The following DLG2 variants were observed in gnomAD, a reference collection of about 807,000 sequenced individuals.
The protein encoded by DLG2 is discs large MAGUK scaffold protein 2.
In DLG2, 45 loss-of-function variants were observed where a neutral mutation model predicts 132.5. The ratio of observed to expected loss-of-function variants is 0.34; its 90% CI spans 0.27 to 0.44. DLG2 has a LOEUF of 0.44. Ranked by LOEUF, DLG2 falls within the 20% of genes least tolerant of loss-of-function variation. DLG2 has a pLI of 1.00. For missense variants in DLG2, 1,045 were observed against 1,196.9 expected, an observed-to-expected ratio of 0.87 and a Z score of 1.87; for synonymous variants, 424 against 419.6, an observed-to-expected ratio of 1.01 and a Z score of -0.13.
chr11:83,572,034 T>C (rs143642525), intron 19 of DLG2, among the ~76,000 whole-genome samples: 4 of 152,192 alleles, frequency 2.6e-5, no homozygotes, highest in Non-Finnish European at 4.4e-5. Flanking sequence ...ACAAAGCATA[T>C]ATACTAAAAG....
chr11:85,425,355 A>G (rs890207443), intron 3 of DLG2, among the ~76,000 whole-genome samples: 2 of 152,216 alleles, frequency 1.3e-5, no homozygotes, highest in African/African-American at 4.8e-5. Context: ...ACAGCAGAAT[A>G]AAACAATATT....
At chr11:85,130,007 G>C (rs1272911164) in intron 5 of DLG2, among the ~76,000 whole-genome samples, 1 of 152,096 alleles carries the variant, frequency 6.6e-6, no homozygotes, top group Non-Finnish European at 1.5e-5. Context: ...GTTGAACAAT[G>C]AGAACATATG....
intron 7 of DLG2, among the ~76,000 whole-genome samples, chr11:84,504,192 C>T (rs554985370): frequency 5.4e-4 from 82 of 152,268 alleles, no homozygotes; most frequent in African/African-American, 1.9e-3. Context: ...GAGATGTACA[C>T]CAAAGCCCAA....
intron 8 of DLG2, among the ~76,000 whole-genome samples, chr11:84,213,309 G>T (rs1451452719): frequency 1.3e-5 from 2 of 152,062 alleles, no homozygotes; most frequent in African/African-American, 2.4e-5. Flanking sequence ...GACTTTGCTA[G>T]GATGTGAGCT....
chr11:84,562,449 T>G (rs1028514725), intron 6 of DLG2, among the ~76,000 whole-genome samples: 1 of 152,206 alleles, frequency 6.6e-6, no homozygotes, highest in Non-Finnish European at 1.5e-5. Context: ...TTGCCTCATC[T>G]GCAAGTGCTC....
rs556860158 is a variant in DLG2 at position 85,246,184 on chromosome 11, C to G, written c.186+39036G>C. On this transcript the variant is annotated intron_variant, in intron 4 of 27. Coordinates refer to ENST00000376104, the MANE Select transcript of DLG2 (RefSeq NM_001142699.3). ...TTTGCTCATGGTTGTATTTCAAATG[C>G]CTATAAAAGTATCAAGAAATATTGA... 2.2e-4 allele frequency among the ~76,000 whole-genome samples: 34 copies of G among 151,632 alleles called. No homozygotes were observed. In the East Asian group the frequency reaches 4.1e-3, roughly 18 times the overall value.
intron 6 of DLG2, among the ~76,000 whole-genome samples, chr11:84,900,617 C>G (rs905201272): frequency 2.6e-5 from 4 of 151,928 alleles, no homozygotes; most frequent in Non-Finnish European, 5.9e-5. Context: ...TGTATACATG[C>G]AGAGTACTAC....
At chr11:85,314,168 A>G (rs1423325992) in intron 3 of DLG2, among the ~76,000 whole-genome samples, 1 of 152,004 alleles carries the variant, frequency 6.6e-6, no homozygotes, top group Admixed American at 6.6e-5. Context: ...CATGACAGCT[A>G]CAAAACTGGC....
intron 6 of DLG2, among the ~76,000 whole-genome samples, chr11:84,984,012 T>G (rs1483223499): frequency 6.6e-6 from 1 of 152,180 alleles, no homozygotes; most frequent in African/African-American, 2.4e-5. Context: ...TAGGATTATG[T>G]TAAACAACCA....
In DLG2 at chr11:83,980,753, T is replaced by A. The variant is rs185173129; in HGVS notation, c.920-111A>T. On this transcript the variant is annotated intron_variant, in intron 11 of 27. Transcript: ENST00000376104. ...TTTTAAAAATGAATCCTCAACTTAT[T>A]GTAACAGCAATAAATAACACTAAAA... is the stretch of plus-strand genomic sequence containing the variant. 262 of 1,047,986 alleles carry A rather than the reference T, an allele frequency of 2.5e-4. 1 individual carries two copies. In the African/African-American group the frequency reaches 4.0e-3, roughly 16 times the overall value. The allele number at this position is 1,047,986 out of a possible 1,614,324, so 64.9% of individuals were successfully genotyped here.
intron 7 of DLG2, among the ~76,000 whole-genome samples, chr11:84,274,477 C>T (rs947727971): frequency 6.6e-6 from 1 of 152,156 alleles, no homozygotes; most frequent in Non-Finnish European, 1.5e-5. Context: ...TTGTAGGAAA[C>T]AGTTTGATAA....
chr11:84,425,664 A>C (rs2098964016), intron 7 of DLG2, among the ~76,000 whole-genome samples: 1 of 152,126 alleles, frequency 6.6e-6, no homozygotes, highest in Non-Finnish European at 1.5e-5. Context: ...AAATCATCCT[A>C]CAACATCCCC....
chr11:85,007,008 C>T (rs781532034), intron 6 of DLG2, among the ~76,000 whole-genome samples: 12 of 152,130 alleles, frequency 7.9e-5, no homozygotes, highest in Non-Finnish European at 8.8e-5. Context: ...TTTTTGAGAA[C>T]TTGATTTATT....
At chr11:84,429,478 T>C (rs958423060) in intron 7 of DLG2, among the ~76,000 whole-genome samples, 1 of 152,136 alleles carries the variant, frequency 6.6e-6, no homozygotes, top group Non-Finnish European at 1.5e-5. Context: ...GCTGAGAGTG[T>C]CCCATCCAAG....
intron 4 of DLG2, among the ~76,000 whole-genome samples, chr11:85,245,845 C>T (rs950642440): frequency 6.6e-6 from 1 of 151,934 alleles, no homozygotes; most frequent in Non-Finnish European, 1.5e-5. Context: ...TCCTAAAATG[C>T]ATAAGGCACA....
At chr11:84,044,797 G>A (rs79872321) in intron 11 of DLG2, among the ~76,000 whole-genome samples, 1 of 151,694 alleles carries the variant, frequency 6.6e-6, no homozygotes, top group Admixed American at 6.6e-5. Flanking sequence ...AGCTCAGTGT[G>A]CTCTTCTCTG....
chr11:84,466,629 G>A (rs573378512), intron 7 of DLG2, among the ~76,000 whole-genome samples: 7 of 151,422 alleles, frequency 4.6e-5, no homozygotes, highest in African/African-American at 1.2e-4. Flanking sequence ...TTGATAACAC[G>A]CTCTGTTGGC....
intron 3 of DLG2, among the ~76,000 whole-genome samples, chr11:85,501,024 C>A (rs2093789043): frequency 6.6e-6 from 1 of 152,168 alleles, no homozygotes; most frequent in Non-Finnish European, 1.5e-5. Flanking sequence ...ACCTTTACTA[C>A]AAGTCTACAG....
At chr11:84,833,114 T>C (rs1028223911) in intron 6 of DLG2, among the ~76,000 whole-genome samples, 3 of 151,612 alleles carry the variant, frequency 2.0e-5, no homozygotes, top group Non-Finnish European at 4.4e-5. Context: ...CCAAAGAAGG[T>C]AATTGAAAGC....
Sources: gnomAD v4.1 joint callset for allele counts (sites outside exome capture counted in the v4.1 genomes callset) on GRCh38, gnomAD v4.1.1 for gene constraint, MANE v1.5 for transcripts, NCBI Gene and HGNC (gene_info 2026-07-23, HGNC 2026-07-21) for gene names.